The following OSBPL8 variants were observed in gnomAD, a reference collection of about 807,000 sequenced individuals.
OSBPL8 encodes the protein oxysterol-binding protein-related protein 8.
Under a neutral mutation model 125.5 loss-of-function variants are expected in OSBPL8, and 59 were observed. The ratio of observed to expected loss-of-function variants is 0.47; its 90% CI spans 0.38 to 0.58. The LOEUF (loss-of-function observed/expected upper bound fraction) is 0.58, where lower values mean the gene tolerates loss of function less well. OSBPL8 is among the 20% of genes least tolerant of loss of function. OSBPL8 has a pLI of 0.00. For synonymous variants in OSBPL8, 330 were observed against 338.9 expected (o/e 0.97, Z 0.29); for missense variants, 758 against 1,047.8 (o/e 0.72, Z 3.82).
chr12:76,473,022 C>A (rs1035182017), intron 2 of OSBPL8, among the ~76,000 whole-genome samples: 6 of 152,062 alleles, frequency 3.9e-5, no homozygotes, highest in African/African-American at 1.4e-4. Context: ...TGCTTGGCAA[C>A]GGGCGTCTTT....
At chr12:76,402,810 T>C (rs776950230) in intron 5 of OSBPL8, 44 bp from the exon 6 acceptor site, 1 of 1,247,294 alleles carries the variant, frequency 8.0e-7, no homozygotes, top group Admixed American at 2.0e-5. Flanking sequence ...CTTCAGATTT[T>C]CTACACGTCG....
At chr12:76,483,184 C>T (rs1002871638) in intron 2 of OSBPL8, among the ~76,000 whole-genome samples, 6 of 151,808 alleles carry the variant, frequency 4.0e-5, no homozygotes, top group African/African-American at 1.2e-4. Flanking sequence ...GATGTGAACC[C>T]GGGAGACAGG....
At chr12:76,372,481 C>G (rs1220420436) in intron 18 of OSBPL8, among the ~76,000 whole-genome samples, 2 of 152,112 alleles carry the variant, frequency 1.3e-5, no homozygotes, top group Non-Finnish European at 1.5e-5. Flanking sequence ...CCACCCCACC[C>G]AGACAGAAAT....
At chr12:76,393,786 G>A (rs1045094340) in intron 9 of OSBPL8, among the ~76,000 whole-genome samples, 2 of 151,100 alleles carry the variant, frequency 1.3e-5, no homozygotes, top group South Asian at 4.2e-4. Flanking sequence ...CACTTTGGGA[G>A]GCCGAGGCAA....
chr12:76,542,694 T>C (rs1303185065), intron 1 of OSBPL8, among the ~76,000 whole-genome samples: 1 of 152,164 alleles, frequency 6.6e-6, no homozygotes, highest in Non-Finnish European at 1.5e-5. Context: ...AAACCACTAC[T>C]CACTTAGCAT....
chr12:76,415,603 C>T (rs78217712), intron 4 of OSBPL8, among the ~76,000 whole-genome samples: 12,032 of 152,176 alleles, frequency 0.079, 642 homozygotes, highest in Admixed American at 0.12. Context: ...TATTCCGTTT[C>T]TTTTAAGAAC....
At chr12:76,517,273 G>A (rs546820421) in intron 1 of OSBPL8, among the ~76,000 whole-genome samples, 8 of 152,256 alleles carry the variant, frequency 5.3e-5, no homozygotes, top group Non-Finnish European at 1.2e-4. Context: ...GAGGTGGGGG[G>A]TGTGGAGGTA....
At chr12:76,378,830 G>C (rs895257012) in intron 15 of OSBPL8, among the ~76,000 whole-genome samples, 8 of 152,036 alleles carry the variant, frequency 5.3e-5, no homozygotes, top group Admixed American at 1.3e-4. Flanking sequence ...GAGTGCAGTG[G>C]AGTGATCTCG....
intron 8 of OSBPL8, among the ~76,000 whole-genome samples, chr12:76,396,111 T>A (rs1232170910): frequency 1.3e-5 from 2 of 151,774 alleles, no homozygotes; most frequent in African/African-American, 4.8e-5. Context: ...GTTTTGAAAG[T>A]CGTTTTCTCC....
chr12:76,470,133 T>C (rs1875953751), intron 2 of OSBPL8, among the ~76,000 whole-genome samples: 1 of 152,198 alleles, frequency 6.6e-6, no homozygotes, highest in Non-Finnish European at 1.5e-5. Flanking sequence ...CAACCTCCTT[T>C]ATCAAGGTCT....
chr12:76,488,743 TCTC>T (rs1168191837), intron 1 of OSBPL8, among the ~76,000 whole-genome samples: 1 of 152,180 alleles, frequency 6.6e-6, no homozygotes, highest in Admixed American at 6.5e-5. Flanking sequence ...TCCCGGCTCT[TCTC>T]TATTCCATCA....
intron 1 of OSBPL8, among the ~76,000 whole-genome samples, chr12:76,489,977 G>A (rs1878539878): frequency 6.6e-6 from 1 of 152,170 alleles, no homozygotes; most frequent in Non-Finnish European, 1.5e-5. Context: ...AACCCTTACG[G>A]ATGACTTTGT....
At chr12:76,489,243 G>A (rs1209264784) in intron 1 of OSBPL8, among the ~76,000 whole-genome samples, 1 of 152,200 alleles carries the variant, frequency 6.6e-6, no homozygotes, top group African/African-American at 2.4e-5. Context: ...ACTGCAGTAA[G>A]TTATCCAAAA....
intron 1 of OSBPL8, among the ~76,000 whole-genome samples, chr12:76,553,376 T>TAA (rs1199803108): frequency 6.7e-6 from 1 of 149,860 alleles, no homozygotes; most frequent in African/African-American, 2.5e-5. Context: ...CAAATATCAC[T>TAA]AAATAGGCCT....
intron 15 of OSBPL8, among the ~76,000 whole-genome samples, chr12:76,383,987 G>A (rs1321145030): frequency 6.6e-6 from 1 of 152,138 alleles, no homozygotes; most frequent in Non-Finnish European, 1.5e-5. Context: ...AAAGGCAAAA[G>A]AAACACTTTA....
chr12:76,539,423 G>A (rs1777461663), intron 1 of OSBPL8, among the ~76,000 whole-genome samples: 2 of 151,952 alleles, frequency 1.3e-5, no homozygotes, highest in Admixed American at 1.3e-4. Context: ...GAATAAGAGT[G>A]TACAAAATGT....
intron 4 of OSBPL8, among the ~76,000 whole-genome samples, chr12:76,436,244 C>T (rs931968458): frequency 2.0e-5 from 3 of 152,108 alleles, no homozygotes; most frequent in Non-Finnish European, 4.4e-5. Flanking sequence ...CTGGCTGCCA[C>T]ACTCCAAAAA....
chr12:76,417,549 T>C (rs1179936757), intron 4 of OSBPL8, among the ~76,000 whole-genome samples: 1 of 152,180 alleles, frequency 6.6e-6, no homozygotes, highest in African/African-American at 2.4e-5. Flanking sequence ...TTTTCATCTT[T>C]TCCCTCCCTG....
chr12:76,405,179 C>A (rs1954205246), intron 5 of OSBPL8, among the ~76,000 whole-genome samples: 1 of 152,116 alleles, frequency 6.6e-6, no homozygotes, highest in Non-Finnish European at 1.5e-5. Flanking sequence ...AAATCTGTGG[C>A]CGGGCATGGT....
Sources: gnomAD v4.1 joint callset for allele counts (sites outside exome capture counted in the v4.1 genomes callset) on GRCh38, gnomAD v4.1.1 for gene constraint, MANE v1.5 for transcripts, NCBI Gene and HGNC (gene_info 2026-07-23, HGNC 2026-07-21) for gene names.